MKI67: variants seen among roughly 807,000 people sequenced by gnomAD.
MKI67 encodes proliferation marker protein Ki-67.
In MKI67, 152 loss-of-function variants were observed where a neutral mutation model predicts 233.5. The ratio of observed to expected loss-of-function variants is 0.65; its 90% CI spans 0.57 to 0.74. MKI67 has a LOEUF of 0.74. MKI67 is among the 30% of genes least tolerant of loss of function. MKI67 has a pLI of 0.00. For synonymous variants in MKI67, 1,465 were observed against 1,418.5 expected (o/e 1.03, Z -0.74); for missense variants, 3,940 against 3,885.2 (o/e 1.01, Z -0.37).
intron 4 of MKI67, among the ~76,000 whole-genome samples, chr10:128,119,799 C>T (rs1852893397): frequency 6.6e-6 from 1 of 152,146 alleles, no homozygotes; most frequent in Non-Finnish European, 1.5e-5. Context: ...AACTACAAAC[C>T]TATATTTTAG....
rs759292683 is a variant in MKI67, at chr10:128,104,568, T to A, written c.7272A>T (p.Pro2424=). The change falls in exon 13 of 15, where the codon CCA becomes CCT. Residue 2424 remains proline (P), a synonymous_variant. Transcript: ENST00000368654. ...LGNLPGSKRQ[P]QTPKEKAEAL... ...CCTCAGCCTTTTCCTTAGGAGTCTGTGGCTGTCTCTTGCTGCCAGGTAAAT... is the reference window on the plus strand; with the variant it reads ...CCTCAGCCTTTTCCTTAGGAGTCTGAGGCTGTCTCTTGCTGCCAGGTAAAT... 1.7e-5 allele frequency: 27 copies of A among 1,613,962 alleles called. No homozygotes were observed. In the East Asian group the frequency reaches 5.8e-4, roughly 35 times the overall value.
In MKI67 at chr10:128,114,960, G is replaced by A. The variant is rs972518148; in HGVS notation, c.1448C>T (p.Ser483Leu). ...QMCSGLPGLS[S>L]VDINNFGDSI... ...ATCACCAAAGTTGTTGATATCAACT[G>A]AACTAAGACCAGGTAACCCAGAGCA... Residue 483 changes from serine to leucine, a missense_variant, in exon 7 of 15, where the codon TCA (serine) becomes TTA (leucine). Ser to Leu is a moderately radical substitution (Grantham distance 145). Coordinates refer to ENST00000368654, the MANE Select transcript of MKI67 (RefSeq NM_002417.5). The A allele has an allele frequency of 1.9e-6, 3 of 1,577,456 alleles. No homozygotes were observed. Among genetic ancestry groups the A allele is most frequent in the Non-Finnish European group, 2.6e-6 (3 of 1,159,052 alleles).
In MKI67 at chr10:128,105,365, C is replaced by T. The variant is rs368849341; in HGVS notation, c.6475G>A (p.Val2159Met). The change falls in exon 13 of 15, where the codon GTG (valine) becomes ATG (methionine). Residue 2159 changes from valine to methionine, a missense_variant. By Grantham distance (21) the Val-to-Met change is conservative. Transcript: ENST00000368654. ...TTCTGTTTTGCAGTTTCCCTGAACA[C>T]GTTGATGCCTTTATCCTCATCTCCT... is the stretch of plus-strand genomic sequence containing the variant. ...VPGDEDKGIN[V>M]FRETAKQKLD... The T allele has an allele frequency of 5.0e-6, 8 of 1,614,040 alleles. No homozygotes were observed. The African/African-American group carries it at 5.3e-5, about 11-fold the overall frequency.
At position 128,115,931 on chromosome 10, in the gene MKI67, G is replaced by C. The variant is rs777657538; in HGVS notation, c.477C>G (p.Ile159Met). 6.2e-7 allele frequency: 1 copy of C among 1,611,656 alleles called. No homozygotes were observed. The highest frequency in any genetic ancestry group is 2.2e-5 in the East Asian group (1 of 44,874). ...CGGTACTGTCTTCTTTGACATTCTT[G>C]ATATGTACCTGAGGATTTCCTGAAA... ...GKVSGNPQVH[I>M]KNVKEDSTAD... Residue 159 changes from isoleucine to methionine, a missense_variant, in exon 7 of 15, where the codon ATC becomes ATG. Transcript: ENST00000368654.
rs573022632 is a variant in MKI67, at chr10:128,102,707, C to T, written c.9133G>A (p.Val3045Met). ...CTCAAACTTCTCTTCATGATGACCA[C>T]GGGTTCGGATGATTTGCCTCTTGCC... ...PRARGKSSEP[V>M]VIMKRSLRTS... Residue 3045 changes from valine to methionine, a missense_variant, in exon 13 of 15, where the codon GTG becomes ATG. Coordinates refer to ENST00000368654, the MANE Select transcript of MKI67 (RefSeq NM_002417.5). 7 of 1,614,232 alleles carry T rather than the reference C, an allele frequency of 4.3e-6. No homozygotes were observed. Among genetic ancestry groups the T allele is most frequent in the East Asian group, 2.2e-5 (1 of 44,884 alleles).
rs762369517 is a variant in MKI67, at chr10:128,101,399, C to A, written c.9564G>T (p.Gly3188=). The change falls in exon 14 of 15, where the codon GGG becomes GGT. Residue 3188 remains glycine (G), a synonymous_variant. Transcript: ENST00000368654. Reference sequence around the variant, plus strand: ...AGTCTGAATTTCCTGCTTCTCCTTTCCCTTTCTGATTCTGCATGAGAACCT... The same window carrying A: ...AGTCTGAATTTCCTGCTTCTCCTTTACCTTTCTGATTCTGCATGAGAACCT... ...SAKVLMQNQK[G]KGEAGNSDSM... 57 of 1,614,078 alleles carry A rather than the reference C, an allele frequency of 3.5e-5. No individual in the cohort carries two copies. The highest frequency in any genetic ancestry group is 4.6e-5 in the Non-Finnish European group (54 of 1,180,034).
At position 128,106,226 on chromosome 10, in the gene MKI67, T is replaced by C. The variant is rs760495098; in HGVS notation, c.5614A>G (p.Asn1872Asp). Residue 1872 changes from asparagine to aspartate, a missense_variant, in exon 13 of 15, where the codon AAC becomes GAC. Transcript: ENST00000368654. Reference sequence around the variant, plus strand: ...CTTCTCTTGGGCCGTTGCTTTGTGTTTGTTGGGGTGTCCGCTGGGTCTGAT... The same window carrying C: ...CTTCTCTTGGGCCGTTGCTTTGTGTCTGTTGGGGTGTCCGCTGGGTCTGAT... ...PQSDPADTPT[N>D]TKQRPKRSLK... 1 of 1,613,918 alleles carries C rather than the reference T, an allele frequency of 6.2e-7. No homozygotes were observed. Among genetic ancestry groups the C allele is most frequent in the Admixed American group, 1.7e-5 (1 of 59,976 alleles).
intron 5 of MKI67, among the ~76,000 whole-genome samples, chr10:128,116,791 C>T (rs1194145991): frequency 6.6e-6 from 1 of 152,180 alleles, no homozygotes; most frequent in Non-Finnish European, 1.5e-5. Flanking sequence ...CCTGTAGTCC[C>T]AGCTACTCAG....
chr10:128,103,962 T>C lies in MKI67; in HGVS notation c.7878A>G (p.Ser2626=). 1 of 1,614,150 alleles carries C rather than the reference T, an allele frequency of 6.2e-7. No homozygotes were observed. Among genetic ancestry groups the C allele is most frequent in the Non-Finnish European group, 8.5e-7 (1 of 1,180,032 alleles). ...LSAVERLTQT[S]GQSTHTHKEP... ...CTTTGTGTGTGTGTGTGCTTTGCCC[T>C]GATGTTTGCGTGAGCCTCTCAACTG... is the stretch of plus-strand genomic sequence containing the variant. The change falls in exon 13 of 15, where the codon TCA becomes TCG. Residue 2626 remains serine (S), a synonymous_variant. Transcript: ENST00000368654.
chr10:128,122,978 T>A lies in MKI67; in HGVS notation c.190A>T (p.Ser64Cys). The A allele has an allele frequency of 6.2e-7, 1 of 1,605,818 alleles. No individual in the cohort carries two copies. Among genetic ancestry groups the A allele is most frequent in the South Asian group, 1.1e-5 (1 of 90,722 alleles). The change falls in exon 4 of 15, where the codon AGT becomes TGT. Residue 64 changes from serine (S) to cysteine (C), a missense_variant. By Grantham distance (112) the Ser-to-Cys change is moderately radical. Coordinates refer to ENST00000368654, the MANE Select transcript of MKI67 (RefSeq NM_002417.5). ...HEQEAILHNF[S>C]STNPTQVNGS... ...TTTACTTGTGTTGGATTTGTGGAAC[T>A]GAAATTATGTAATATTGCCTGCAAG...
In MKI67 at chr10:128,112,056, G is replaced by C; in HGVS notation, c.1970-11C>G. 1 of 1,608,186 alleles carries C rather than the reference G, an allele frequency of 6.2e-7. No homozygotes were observed. Among genetic ancestry groups the C allele is most frequent in the Non-Finnish European group, 8.5e-7 (1 of 1,177,794 alleles). On this transcript the variant is annotated splice_polypyrimidine_tract_variant and intron_variant, in intron 9 of 14. Transcript: ENST00000368654. ...CCCATGATTTTGCAACTGTCAAAGG[G>C]AAAAGACGAAACTTTTCAAAAATTA... is the stretch of plus-strand genomic sequence containing the variant.
rs769938145 is a variant in MKI67, at chr10:128,112,175, A to G, written c.1927T>C (p.Cys643Arg). 3.2e-5 allele frequency: 51 copies of G among 1,614,126 alleles called. No individual in the cohort carries two copies. In the East Asian group the frequency reaches 7.6e-4, roughly 24 times the overall value. ...RSQHDILQMICSKRRSGASEA... is the reference protein window; with the variant it reads ...RSQHDILQMIRSKRRSGASEA... Reference sequence around the variant, plus strand: ...GAAGCACCACTTCTTCTTTTGGAACATATCATCTGTAAAATATCATGTTGA... The same window carrying G: ...GAAGCACCACTTCTTCTTTTGGAACGTATCATCTGTAAAATATCATGTTGA... The change falls in exon 9 of 15, where the codon TGT (cysteine) becomes CGT (arginine). Residue 643 changes from cysteine (C) to arginine (R), a missense_variant. By Grantham distance (180) the Cys-to-Arg change is radical. Transcript: ENST00000368654.
chr10:128,116,595 C>T, intron 5 of MKI67, 59 bp from the exon 6 acceptor site: 2 of 1,446,474 alleles, frequency 1.4e-6, no homozygotes, highest in South Asian at 1.1e-5. Context: ...ATGACAGTCA[C>T]AACAGTGAAA....
In MKI67 at chr10:128,104,856, A is replaced by C. The variant is rs1430351856; in HGVS notation, c.6984T>G (p.Thr2328=). The change falls in exon 13 of 15, where the codon ACT becomes ACG. Residue 2328 remains threonine, a synonymous_variant. Coordinates refer to ENST00000368654, the MANE Select transcript of MKI67 (RefSeq NM_002417.5). Reference sequence around the variant, plus strand: ...TTTTCTCATCAGTCGTGGGCTTGTCAGTGCCTGGTGTCTGGAAGAGCTCTT... The same window carrying C: ...TTTTCTCATCAGTCGTGGGCTTGTCCGTGCCTGGTGTCTGGAAGAGCTCTT... The part of the protein sequence containing the change: ...GFKELFQTPG[T]DKPTTDEKTT... 6.2e-7 allele frequency: 1 copy of C among 1,608,484 alleles called. No homozygotes were observed. The highest frequency in any genetic ancestry group is 8.5e-7 in the Non-Finnish European group (1 of 1,178,784).
At position 128,099,042 on chromosome 10, in the gene MKI67, G is replaced by A. The variant is rs187652958; in HGVS notation, c.*148C>T. Reference sequence around the variant, plus strand: ...TGCTCCCAGTGGAGTTTATGAAGCCGATTCAGACCCAGCAAATCCAAAGTT... The same window carrying A: ...TGCTCCCAGTGGAGTTTATGAAGCCAATTCAGACCCAGCAAATCCAAAGTT... On this transcript the variant is annotated 3_prime_UTR_variant, in exon 15 of 15. Transcript: ENST00000368654. 1.4e-5 allele frequency: 8 copies of A among 582,584 alleles called. No individual in the cohort carries two copies. The highest frequency in any genetic ancestry group is 3.8e-5 in the African/African-American group (2 of 52,356). The allele number at this position is 582,584 out of a possible 1,614,324, so 36.1% of individuals were successfully genotyped here.
Position 128,102,743 on chromosome 10 carries a change from C to T in MKI67, c.9097G>A (p.Val3033Ile). ...GATTTGCCTCTTGCCCTGGGAGCAACCCTCTGCTTCTTGCTGGCTGGCAGC... is the reference window on the plus strand; with the variant it reads ...GATTTGCCTCTTGCCCTGGGAGCAATCCTCTGCTTCTTGCTGGCTGGCAGC... The part of the protein sequence containing the change: ...EELPASKKQR[V>I]APRARGKSSE... Residue 3033 changes from valine (V) to isoleucine (I), a missense_variant, in exon 13 of 15, where the codon GTT becomes ATT. Transcript: ENST00000368654. 1 of 1,614,204 alleles carries T rather than the reference C, an allele frequency of 6.2e-7. No homozygotes were observed. The highest frequency in any genetic ancestry group is 8.5e-7 in the Non-Finnish European group (1 of 1,180,040).
intron 13 of MKI67, among the ~76,000 whole-genome samples, chr10:128,102,240 C>T (rs545713730): frequency 9.2e-5 from 14 of 152,198 alleles, no homozygotes; most frequent in Non-Finnish European, 1.5e-4. Flanking sequence ...TAACCCAGTC[C>T]TGGTCTTGGT....
Position 128,103,547 on chromosome 10 carries a change from C to T in MKI67, c.8293G>A (p.Ala2765Thr), listed in dbSNP as rs768940923. Residue 2765 changes from alanine to threonine, a missense_variant, in exon 13 of 15, where the codon GCA becomes ACA. Physicochemically the swap from Ala to Thr is moderately conservative, Grantham distance 58. Transcript: ENST00000368654. ...GTCTGTTTTGCAGATTCCTTCAATGCTTTGATGCCTTTATCTTCACCTGCT... is the reference window on the plus strand; with the variant it reads ...GTCTGTTTTGCAGATTCCTTCAATGTTTTGATGCCTTTATCTTCACCTGCT... ...EPAGEDKGIK[A>T]LKESAKQTPA... 1.2e-6 allele frequency: 2 copies of T among 1,613,736 alleles called. No homozygotes were observed. The highest frequency in any genetic ancestry group is 1.1e-5 in the South Asian group (1 of 91,060).
In MKI67 at chr10:128,108,003, C is replaced by T; in HGVS notation, c.3837G>A (p.Glu1279=). 6.2e-7 allele frequency: 1 copy of T among 1,613,744 alleles called. No individual in the cohort carries two copies. The highest frequency in any genetic ancestry group is 8.5e-7 in the Non-Finnish European group (1 of 1,179,956). ...GATTCCTGCACGCTAAGAGTTCTCC[C>T]TCTACATCTGCTTTCCTGATACTTC... is the stretch of plus-strand genomic sequence containing the variant. ...PKRSIRKADV[E]GELLACRNLM... Residue 1279 remains glutamate, a synonymous_variant, in exon 13 of 15, where the codon GAG becomes GAA. Coordinates refer to ENST00000368654, the MANE Select transcript of MKI67 (RefSeq NM_002417.5).
Sources: gnomAD v4.1 joint callset for allele counts (sites outside exome capture counted in the v4.1 genomes callset) on GRCh38, gnomAD v4.1.1 for gene constraint, MANE v1.5 for transcripts, NCBI Gene and HGNC (gene_info 2026-07-23, HGNC 2026-07-21) for gene names.